PAH: variants seen among roughly 807,000 people sequenced by gnomAD.
The protein encoded by PAH is phenylalanine hydroxylase.
Under a neutral mutation model 62.0 loss-of-function variants are expected in PAH, and 64 were observed. The ratio of observed to expected loss-of-function variants is 1.03; its 90% CI spans 0.84 to 1.27. The LOEUF is 1.27. Among genes scored for constraint, PAH ranks in the 50% most tolerant of loss-of-function variants. The pLI is 0.00. For synonymous variants in PAH, 195 were observed against 196.2 expected, an observed-to-expected ratio of 0.99 and a Z score of 0.05; for missense variants, 579 against 542.8, an observed-to-expected ratio of 1.07 and a Z score of -0.66.
chr12:102,937,070 C>T (rs1879126737), intron 1 of PAH, among the ~76,000 whole-genome samples: 1 of 152,172 alleles, frequency 6.6e-6, no homozygotes, highest in African/African-American at 2.4e-5. Flanking sequence ...TTCTTGCTGC[C>T]ACCATGTGAA....
chr12:102,885,482 T>TG (rs1006743814), intron 3 of PAH, among the ~76,000 whole-genome samples: 1 of 152,172 alleles, frequency 6.6e-6, no homozygotes, highest in Non-Finnish European at 1.5e-5. Flanking sequence ...TTGGGCAGGC[T>TG]GGGGCAACAG....
chr12:102,953,198 GAGGAT>G (rs1879820350), upstream of PAH: 1 of 152,154 alleles, frequency 6.6e-6, no homozygotes, highest in African/African-American at 2.4e-5. Context: ...CCCCCAAATT[GAGGAT>G]TACACTTAAA....
At chr12:102,953,360 C>T (rs1002478665), upstream of PAH, 3 of 152,024 alleles carry the variant, frequency 2.0e-5, no homozygotes, top group Non-Finnish European at 2.9e-5. Context: ...AATATCAATC[C>T]CTCTCCCCAA....
At position 102,859,045 on chromosome 12, in the gene PAH, T is replaced by C. The variant is rs373791410; in HGVS notation, c.510-3713A>G. Among the ~76,000 whole-genome samples the C allele has an allele frequency of 3.3e-5, 5 of 152,176 alleles. No individual in the cohort carries two copies. The South Asian group carries it at 8.3e-4, about 25-fold the overall frequency. On this transcript the variant is annotated intron_variant, in intron 5 of 12. Transcript: ENST00000553106. ...TCAATGAATCCAGGAGCTGGTTTTT[T>C]TGAAAAGATCGACAAAATTGATAGA...
At chr12:102,903,411 TTATG>T (rs3062645) in intron 2 of PAH, among the ~76,000 whole-genome samples, 63,939 of 148,770 alleles carry the variant, frequency 0.43, 15,287 homozygotes, top group African/African-American at 0.67. Flanking sequence ...AAAAACAACC[TTATG>T]TATGGAGCAA....
At chr12:102,904,103 A>G (rs1215893923) in intron 2 of PAH, among the ~76,000 whole-genome samples, 1 of 152,178 alleles carries the variant, frequency 6.6e-6, no homozygotes, top group Non-Finnish European at 1.5e-5. Context: ...GGGTTTTGGT[A>G]TACTCCTAAT....
intron 1 of PAH, among the ~76,000 whole-genome samples, chr12:102,949,500 G>T (rs1879652292): frequency 1.3e-5 from 2 of 152,234 alleles, no homozygotes. Flanking sequence ...GAGCCTGAGA[G>T]ACGATGAGCA....
At position 102,868,126 on chromosome 12, in the gene PAH, GTATA is replaced by G. The variant is rs1182277046; in HGVS notation, c.442-1467_442-1464del. On this transcript the variant is annotated intron_variant, in intron 4 of 12. Transcript: ENST00000553106. ...TATACACATATATATACATATATGT[GTATA>G]TATATATATATATATATATATATAC... 4.5e-3 allele frequency among the ~76,000 whole-genome samples: 29 copies of G among 6,448 alleles called. 3 individuals are homozygous for G. The highest frequency in any genetic ancestry group is 0.024 in the South Asian group (2 of 82). 4.2% of individuals were successfully genotyped at this position (6,448 alleles called of 152,430 possible). A position where few individuals can be genotyped will look rare whatever the true frequency, so the allele number is the denominator to read the frequency against.
At chr12:102,901,666 CT>C (rs1159459490) in intron 2 of PAH, among the ~76,000 whole-genome samples, 1 of 151,964 alleles carries the variant, frequency 6.6e-6, no homozygotes, top group Admixed American at 6.6e-5. Context: ...TGAGAATAGA[CT>C]GGCAAGGGAG....
chr12:102,927,991 A>G (rs1878733681), intron 1 of PAH, among the ~76,000 whole-genome samples: 1 of 152,212 alleles, frequency 6.6e-6, no homozygotes, highest in Non-Finnish European at 1.5e-5. Context: ...AACATAAATG[A>G]AATGTCCTTC....
At chr12:102,842,864 G>C (rs1592946877) in intron 11 of PAH, among the ~76,000 whole-genome samples, 1 of 152,294 alleles carries the variant, frequency 6.6e-6, no homozygotes, top group African/African-American at 2.4e-5. Flanking sequence ...TTCCATGCCT[G>C]TCATCCATCA....
chr12:102,861,974 A>AAG, intron 5 of PAH, among the ~76,000 whole-genome samples: 1 of 151,830 alleles, frequency 6.6e-6, no homozygotes, highest in East Asian at 1.9e-4. Context: ...TATAAAAAAA[A>AAG]AAAAAAAAGA....
At chr12:102,871,949 A>AAATATAT (rs1876359198) in intron 4 of PAH, among the ~76,000 whole-genome samples, 1 of 30,326 alleles carries the variant, frequency 3.3e-5, no homozygotes, top group African/African-American at 1.6e-4. Context: ...AAAAAAAAAA[A>AAATATAT]ATATATATAT....
At chr12:102,950,390 T>C (rs575385937) in intron 1 of PAH, 1 of 152,432 alleles carries the variant, frequency 6.6e-6, no homozygotes, top group Non-Finnish European at 1.5e-5. Context: ...CCTGAATCTG[T>C]TAGGAGTACA....
At chr12:102,898,665 G>A (rs537794258) in intron 2 of PAH, among the ~76,000 whole-genome samples, 2 of 152,230 alleles carry the variant, frequency 1.3e-5, no homozygotes, top group African/African-American at 4.8e-5. Flanking sequence ...CCTTTGAAAA[G>A]GTTAAGGGAG....
chr12:102,879,612 G>GA (rs1182385150), intron 3 of PAH, among the ~76,000 whole-genome samples: 1 of 151,416 alleles, frequency 6.6e-6, no homozygotes, highest in Admixed American at 6.6e-5. Flanking sequence ...CTGTGGGGGG[G>GA]GGGTACTATT....
chr12:102,877,622 A>G, intron 3 of PAH, 72 bp from the exon 4 acceptor site: 1 of 1,135,270 alleles, frequency 8.8e-7, no homozygotes, highest in Non-Finnish European at 1.3e-6. Context: ...CTGAGATCAG[A>G]AGTGGGGATC....
intron 1 of PAH, chr12:102,913,755 T>G: frequency 1.4e-6 from 1 of 695,468 alleles, no homozygotes; most frequent in South Asian, 1.5e-5. Context: ...GAAAATAAAC[T>G]TAGTCTTAAA....
intron 4 of PAH, among the ~76,000 whole-genome samples, chr12:102,873,995 G>T (rs1318464147): frequency 5.3e-5 from 8 of 152,182 alleles, no homozygotes; most frequent in Admixed American, 5.2e-4. Context: ...CTCCCATGAG[G>T]TTATAAGTCA....
Sources: allele counts gnomAD v4.1 joint callset (sites outside exome capture counted in the v4.1 genomes callset), GRCh38; gene constraint gnomAD v4.1.1; transcripts MANE v1.5; gene names NCBI Gene and HGNC (gene_info 2026-07-23, HGNC 2026-07-21).